SHISA9: variants seen among roughly 807,000 people sequenced by gnomAD.
The protein encoded by SHISA9 is shisa family member 9, also known as protein shisa-9.
SHISA9 carries 13 observed loss-of-function variants against 38.0 expected under a neutral mutation model. The observed-to-expected ratio is 0.34, with a 90% CI of 0.22 to 0.54. SHISA9 has a LOEUF of 0.54. Ranked by LOEUF, SHISA9 falls within the 20% of genes least tolerant of loss-of-function variation. SHISA9 has a pLI of 0.91. For synonymous variants in SHISA9, 275 were observed against 242.0 expected (o/e 1.14, Z -1.27); for missense variants, 538 against 575.8 (o/e 0.93, Z 0.67).
intron 2 of SHISA9, among the ~76,000 whole-genome samples, chr16:12,949,091 G>A (rs776039396): frequency 1.3e-5 from 2 of 152,136 alleles, no homozygotes; most frequent in Non-Finnish European, 2.9e-5. Flanking sequence ...TGCATGATAG[G>A]TACTCAGTAG....
the SHISA9 span, among the ~76,000 whole-genome samples, chr16:13,539,675 A>G: frequency 1.3e-5 from 2 of 152,242 alleles, no homozygotes; most frequent in East Asian, 3.9e-4. Context: ...CAGGGGTTTG[A>G]TGAACAGATT....
chr16:13,049,196 G>GTGTGTGTGTGTT (rs1470308261), intron 2 of SHISA9, among the ~76,000 whole-genome samples: 50 of 145,792 alleles, frequency 3.4e-4, no homozygotes, highest in South Asian at 1.1e-3. Flanking sequence ...GTGTGTGTGT[G>GTGTGTGTGTGTT]TGTGTGTGTA....
At chr16:12,963,158 C>T (rs2141795934) in intron 2 of SHISA9, among the ~76,000 whole-genome samples, 1 of 152,316 alleles carries the variant, frequency 6.6e-6, no homozygotes, top group Non-Finnish European at 1.5e-5. Context: ...GGTGTAGGCA[C>T]TTTAAGTGCC....
At chr16:13,199,076 ATTT>A (rs1445206825) in intron 2 of SHISA9, among the ~76,000 whole-genome samples, 1 of 152,024 alleles carries the variant, frequency 6.6e-6, no homozygotes, top group Non-Finnish European at 1.5e-5. Flanking sequence ...CTGTAGAATT[ATTT>A]TTTTTCTTTA....
At chr16:13,371,592 T>TAAG in the SHISA9 span, among the ~76,000 whole-genome samples, 15 of 152,196 alleles carry the variant, frequency 9.9e-5, no homozygotes, top group Non-Finnish European at 1.9e-4. Flanking sequence ...ACACACATGG[T>TAAG]TGAAACACTC....
chr16:13,362,267 A>C, the SHISA9 span, among the ~76,000 whole-genome samples: 5 of 151,076 alleles, frequency 3.3e-5, no homozygotes, highest in East Asian at 5.8e-4. Flanking sequence ...AACAAAAAAA[A>C]CCCCACAAAA....
At chr16:12,937,506 C>T (rs1487946777) in intron 2 of SHISA9, among the ~76,000 whole-genome samples, 1 of 152,196 alleles carries the variant, frequency 6.6e-6, no homozygotes, top group Non-Finnish European at 1.5e-5. Context: ...CAAAATAACA[C>T]AGACTGGGTG....
chr16:12,901,977 C>T lies in SHISA9; in HGVS notation c.-88C>T. 1 of 1,160,002 alleles carries T rather than the reference C, an allele frequency of 8.6e-7. No individual in the cohort carries two copies. Among genetic ancestry groups the T allele is most frequent in the Non-Finnish European group, 1.1e-6 (1 of 904,016 alleles). The allele number at this position is 1,160,002 out of a possible 1,614,324, so 71.9% of individuals were successfully genotyped here. On this transcript the variant is annotated 5_prime_UTR_variant, in exon 1 of 5. Transcript: ENST00000558583. ...CGCGGCGGCTCGCAGCTCCCGGCAGCAGCCTCGGCAGCTTCGGCCGCGCCT... is the reference window on the plus strand; with the variant it reads ...CGCGGCGGCTCGCAGCTCCCGGCAGTAGCCTCGGCAGCTTCGGCCGCGCCT...
At chr16:13,213,385 CTG>C in intron 4 of SHISA9, 85 bp downstream of exon 4, 1 of 1,255,326 alleles carries the variant, frequency 8.0e-7, no homozygotes, top group Non-Finnish European at 1.1e-6. Flanking sequence ...GTCCTGGTGT[CTG>C]TGTGACCTGT....
At chr16:13,562,391 AG>A in the SHISA9 span, among the ~76,000 whole-genome samples, 3 of 152,152 alleles carry the variant, frequency 2.0e-5, no homozygotes, top group African/African-American at 7.2e-5. Flanking sequence ...GCACTTTGGG[AG>A]GCTGAGGCAG....
chr16:12,974,785 T>A (rs2072134633), intron 2 of SHISA9, among the ~76,000 whole-genome samples: 1 of 152,188 alleles, frequency 6.6e-6, no homozygotes, highest in Non-Finnish European at 1.5e-5. Flanking sequence ...TTGTAATTTA[T>A]CAGAATCTTC....
chr16:13,457,570 T>C, the SHISA9 span, among the ~76,000 whole-genome samples: 1 of 151,874 alleles, frequency 6.6e-6, no homozygotes, highest in Non-Finnish European at 1.5e-5. Context: ...TGATTCTTTA[T>C]GCAGACGCCA....
rs188348462 is a variant in SHISA9, at chr16:13,057,153, G to T, written c.691+140338G>T. Among the ~76,000 whole-genome samples the T allele has an allele frequency of 9.9e-4, 151 of 152,346 alleles. No individual in the cohort carries two copies. The East Asian group carries it at 0.012, about 12-fold the overall frequency. On this transcript the variant is annotated intron_variant, in intron 2 of 4. Coordinates refer to ENST00000558583, the MANE Select transcript of SHISA9 (RefSeq NM_001145204.3). ...CCTTCCTGCCTGGGGCTGGAGGGTT[G>T]TACCCAGGTGAGGCTCAGAGGGCCA...
chr16:13,412,718 G>A, the SHISA9 span, among the ~76,000 whole-genome samples: 4 of 151,580 alleles, frequency 2.6e-5, no homozygotes, highest in African/African-American at 9.8e-5. Flanking sequence ...TTAGCTGGGT[G>A]TGGTGGCACA....
At chr16:13,418,054 C>A in the SHISA9 span, among the ~76,000 whole-genome samples, 1 of 152,170 alleles carries the variant, frequency 6.6e-6, no homozygotes, top group African/African-American at 2.4e-5. Context: ...TTCCTTTGCT[C>A]CTTCATTCAA....
the SHISA9 span, among the ~76,000 whole-genome samples, chr16:13,277,864 G>A: frequency 6.6e-6 from 1 of 152,004 alleles, no homozygotes; most frequent in Non-Finnish European, 1.5e-5. Flanking sequence ...TCAGCAAACA[G>A]TGACGATTTA....
At chr16:12,996,692 G>C (rs1482252611) in intron 2 of SHISA9, among the ~76,000 whole-genome samples, 2 of 152,124 alleles carry the variant, frequency 1.3e-5, no homozygotes, top group African/African-American at 4.8e-5. Flanking sequence ...TGTGTCTCAA[G>C]GGTCCCATAG....
chr16:13,148,790 T>C (rs1421937285), intron 2 of SHISA9, among the ~76,000 whole-genome samples: 2 of 151,066 alleles, frequency 1.3e-5, no homozygotes, highest in East Asian at 1.9e-4. Context: ...AAAAATTGCC[T>C]GAGGCCACAC....
chr16:13,115,827 C>G (rs1596657698), intron 2 of SHISA9, among the ~76,000 whole-genome samples: 1 of 152,218 alleles, frequency 6.6e-6, no homozygotes, highest in Admixed American at 6.5e-5. Context: ...GCAAACCCTG[C>G]ACTAACAATT....
Sources: gnomAD v4.1 joint callset for allele counts (sites outside exome capture counted in the v4.1 genomes callset) on GRCh38, gnomAD v4.1.1 for gene constraint, MANE v1.5 for transcripts, NCBI Gene and HGNC (gene_info 2026-07-23, HGNC 2026-07-21) for gene names.